SLC22A4: variants seen among roughly 807,000 people sequenced by gnomAD.
SLC22A4 encodes solute carrier family 22 member 4.
In SLC22A4, 39 loss-of-function variants were observed where a neutral mutation model predicts 56.6. The observed-to-expected ratio is 0.69, with a 90% CI of 0.53 to 0.90. SLC22A4 has a LOEUF of 0.90. Among genes scored for constraint, SLC22A4 ranks in the 40% least tolerant of loss-of-function variants. The pLI, the probability that SLC22A4 is intolerant of heterozygous loss-of-function variation, is 0.00. For missense variants in SLC22A4, 594 were observed against 696.5 expected, an observed-to-expected ratio of 0.85 and a Z score of 1.66; for synonymous variants, 241 against 281.4, an observed-to-expected ratio of 0.86 and a Z score of 1.44.
chr5:132,340,513 G>A, intron 8 of SLC22A4, 52 bp from the exon 9 acceptor site: 2 of 1,559,150 alleles, frequency 1.3e-6, no homozygotes, highest in Non-Finnish European at 1.8e-6. Context: ...GCTCAAGAGT[G>A]CCCAGAGAGT....
At chr5:132,318,344 G>A (rs759126594) in intron 3 of SLC22A4, among the ~76,000 whole-genome samples, 18 of 152,164 alleles carry the variant, frequency 1.2e-4, no homozygotes, top group Non-Finnish European at 2.2e-4. Context: ...CATGATCTCA[G>A]TCTTCATAAT....
Position 132,294,680 on chromosome 5 carries a change from T to A in SLC22A4, c.64T>A (p.Phe22Ile), listed in dbSNP as rs1580814537. The A allele has an allele frequency of 6.2e-7, 1 of 1,614,146 alleles. No individual in the cohort carries two copies. The highest frequency in any genetic ancestry group is 8.5e-7 in the Non-Finnish European group (1 of 1,179,994). The part of the protein sequence containing the change: ...GEWGPFQRLI[F>I]FLLSASIIPN... ...GTGGGGGCCCTTCCAGCGCCTCATCTTCTTCCTGCTCAGCGCCAGCATCAT... is the reference window on the plus strand; with the variant it reads ...GTGGGGGCCCTTCCAGCGCCTCATCATCTTCCTGCTCAGCGCCAGCATCAT... Residue 22 changes from phenylalanine to isoleucine, a missense_variant, in exon 1 of 10, where the codon TTC becomes ATC. Phe to Ile is a conservative substitution (Grantham distance 21). Coordinates refer to ENST00000200652, the MANE Select transcript of SLC22A4 (RefSeq NM_003059.3). This position sits in a 1 kb window ranked among gnomAD's most constrained non-coding sequence, Gnocchi z 5.6.
At chr5:132,324,482 T>C (rs1172116186) in intron 4 of SLC22A4, 1 of 470,804 alleles carries the variant, frequency 2.1e-6, no homozygotes, top group Admixed American at 2.3e-5. Flanking sequence ...TGAATGCTCC[T>C]GGCTGTGGGC....
chr5:132,295,156 C>A (rs777626046), intron 1 of SLC22A4, 147 bp downstream of exon 1: 2 of 975,496 alleles, frequency 2.1e-6, no homozygotes, highest in South Asian at 1.4e-5. Context: ...GGGTGTGCAC[C>A]CCAAGAAAGA....
intron 7 of SLC22A4, 125 bp from the exon 8 acceptor site, chr5:132,335,693 A>G: frequency 4.8e-6 from 4 of 826,728 alleles, no homozygotes; most frequent in Non-Finnish European, 8.2e-6. Context: ...AGAAAATGCT[A>G]TTTTGGGAAT....
Position 132,307,308 on chromosome 5 carries a change from A to G in SLC22A4, c.394-4853A>G, listed in dbSNP as rs549087051. Among the ~76,000 whole-genome samples, 3 of 152,336 alleles carry G rather than the reference A, an allele frequency of 2.0e-5. No homozygotes were observed. In the South Asian group the frequency reaches 6.2e-4, roughly 32 times the overall value. ...CTTTTCTCTAGAATAAAGGATAACT[A>G]TGAGAGGATACTATAGAAATCAATC... On this transcript the variant is annotated intron_variant, in intron 1 of 9. Transcript: ENST00000200652.
At chr5:132,313,512 C>A in intron 2 of SLC22A4, 102 bp from the exon 3 acceptor site, 1 of 1,066,702 alleles carries the variant, frequency 9.4e-7, no homozygotes, top group Non-Finnish European at 1.5e-6. Flanking sequence ...TCTGCCAGAG[C>A]CCTGAAAAAA....
At chr5:132,321,125 T>C (rs1750524242) in intron 3 of SLC22A4, among the ~76,000 whole-genome samples, 1 of 152,212 alleles carries the variant, frequency 6.6e-6, no homozygotes, top group Non-Finnish European at 1.5e-5. Flanking sequence ...GTCATGGGCC[T>C]TTCTGCTGTT....
intron 5 of SLC22A4, among the ~76,000 whole-genome samples, chr5:132,331,268 G>C (rs1378570760): frequency 6.6e-6 from 1 of 152,150 alleles, no homozygotes; most frequent in African/African-American, 2.4e-5. Flanking sequence ...CTGGGAGGTG[G>C]AGGTTGCAGT....
At chr5:132,315,757 TG>T (rs1454588120) in intron 3 of SLC22A4, among the ~76,000 whole-genome samples, 1 of 152,212 alleles carries the variant, frequency 6.6e-6, no homozygotes, top group African/African-American at 2.4e-5. Context: ...GCTATCAGCC[TG>T]GGGCCAGGCC....
rs1750200807 is a variant in SLC22A4 at position 132,312,180 on chromosome 5, A to G, written c.413A>G (p.Asp138Gly). Residue 138 changes from aspartate (D) to glycine (G), a missense_variant, in exon 2 of 10, where the codon GAC becomes GGC. Transcript: ENST00000200652. ...VVTEWNLVCE[D>G]NWKVPLTTSL... is the part of the protein sequence containing the mutation. ...TGGCAGTGGAATCTGGTGTGTGAGG[A>G]CAACTGGAAGGTGCCCCTCACCACC... 1 of 1,611,228 alleles carries G rather than the reference A, an allele frequency of 6.2e-7. No individual in the cohort carries two copies. Among genetic ancestry groups the G allele is most frequent in the Admixed American group, 1.7e-5 (1 of 59,994 alleles).
At chr5:132,318,824 GA>G (rs1262041879) in intron 3 of SLC22A4, among the ~76,000 whole-genome samples, 1 of 152,130 alleles carries the variant, frequency 6.6e-6, no homozygotes, top group African/African-American at 2.4e-5. Flanking sequence ...CTTTGCCCTA[GA>G]AGCAAAGCAG....
Position 132,294,722 on chromosome 5 carries a change from G to C in SLC22A4, c.106G>C (p.Gly36Arg), listed in dbSNP as rs762771154. 2.5e-5 allele frequency: 40 copies of C among 1,614,104 alleles called. No homozygotes were observed. The highest frequency in any genetic ancestry group is 3.4e-5 in the Non-Finnish European group (40 of 1,180,028). ...CAGCATCATCCCCAATGGCTTCAAT[G>C]GTATGTCAGTCGTGTTCCTGGCGGG... ...SASIIPNGFN[G>R]MSVVFLAGTP... The change falls in exon 1 of 10, where the codon GGT (glycine) becomes CGT (arginine). Residue 36 changes from glycine to arginine, a missense_variant. Transcript: ENST00000200652. The surrounding 1 kb of genome is among the most constrained non-coding windows in gnomAD (Gnocchi z 5.6).
rs1305284455 is a variant in SLC22A4 at position 132,328,623 on chromosome 5, T to C, written c.951+1220T>C. Among the ~76,000 whole-genome samples the C allele has an allele frequency of 2.0e-5, 3 of 152,206 alleles. No individual in the cohort carries two copies. In the East Asian group the frequency reaches 5.8e-4, roughly 29 times the overall value. ...CAACAACATTGGGAGTGTCTAACACTTCTGCCCTTCAGGGCTGTGCTGGGG... is the reference window on the plus strand; with the variant it reads ...CAACAACATTGGGAGTGTCTAACACCTCTGCCCTTCAGGGCTGTGCTGGGG... On this transcript the variant is annotated intron_variant, in intron 5 of 9. Coordinates refer to ENST00000200652, the MANE Select transcript of SLC22A4 (RefSeq NM_003059.3).
At chr5:132,343,494 C>G (rs1270509997) in intron 9 of SLC22A4, among the ~76,000 whole-genome samples, 6 of 152,094 alleles carry the variant, frequency 3.9e-5, no homozygotes, top group African/African-American at 1.4e-4. Context: ...CTTTAATTGC[C>G]AAGAATTTCA....
chr5:132,296,173 A>C (rs987773057), intron 1 of SLC22A4, among the ~76,000 whole-genome samples: 4 of 152,240 alleles, frequency 2.6e-5, no homozygotes, highest in African/African-American at 9.6e-5. Context: ...AGAAGGGGTG[A>C]TATGATTTTA....
intron 1 of SLC22A4, among the ~76,000 whole-genome samples, chr5:132,296,368 C>T (rs973992181): frequency 1.1e-4 from 17 of 152,316 alleles, no homozygotes; most frequent in African/African-American, 3.6e-4. Flanking sequence ...TGACTTTATT[C>T]GGAGGACAGT....
chr5:132,306,630 G>C (rs1750047734), intron 1 of SLC22A4, among the ~76,000 whole-genome samples: 1 of 151,086 alleles, frequency 6.6e-6, no homozygotes, highest in African/African-American at 2.4e-5. Flanking sequence ...ATTTTTAGTA[G>C]AGACAGGGTT....
rs1372842351 is a variant in SLC22A4, at chr5:132,334,777, A to AT, written c.1107dup (p.Ala370CysfsTer12). ...CTGGATGCTCCTAATTTACATGGAG[A>AT]TGCCTACCTGAACTGTTTCCTCTCT... On this transcript the variant is annotated frameshift_variant, in exon 7 of 10. Transcript: ENST00000200652. LOFTEE classifies it high-confidence loss of function. 2 of 1,613,962 alleles carry AT rather than the reference A, an allele frequency of 1.2e-6. No individual in the cohort carries two copies. The highest frequency in any genetic ancestry group is 1.7e-6 in the Non-Finnish European group (2 of 1,179,960).
Sources: allele counts gnomAD v4.1 joint callset (sites outside exome capture counted in the v4.1 genomes callset), GRCh38; gene constraint gnomAD v4.1.1; non-coding constraint Gnocchi (gnomAD v3.1); transcripts MANE v1.5; gene names NCBI Gene and HGNC (gene_info 2026-07-23, HGNC 2026-07-21).